HAUS8: variants seen among roughly 807,000 people sequenced by gnomAD.
HAUS8 encodes the protein HAUS augmin-like complex subunit 8.
Under a neutral mutation model 42.9 loss-of-function variants are expected in HAUS8, and 38 were observed. The ratio of observed to expected loss-of-function variants is 0.89; its 90% CI spans 0.68 to 1.16. The LOEUF (loss-of-function observed/expected upper bound fraction) is 1.16. Ranked by LOEUF, HAUS8 falls within the 50% of genes most tolerant of loss-of-function variation. The probability of loss-of-function intolerance (pLI) is 0.00; values close to 1 mark genes in which losing one functional copy is unlikely to be tolerated. For missense variants in HAUS8, 494 were observed against 511.6 expected (o/e 0.97, Z 0.33); for synonymous variants, 199 against 205.8 (o/e 0.97, Z 0.28).
intron 8 of HAUS8, 47 bp downstream of exon 8, chr19:17,058,502 A>T: frequency 2.0e-6 from 3 of 1,529,426 alleles, no homozygotes; most frequent in Non-Finnish European, 2.6e-6. Flanking sequence ...GATGGGACAG[A>T]TTCACAGGGA....
chr19:17,059,771 A>G, intron 5 of HAUS8, 120 bp from the exon 6 acceptor site: 1 of 725,994 alleles, frequency 1.4e-6, no homozygotes, highest in Non-Finnish European at 2.3e-6. Context: ...TGAGGAGTAT[A>G]TGGACTTATA....
intron 2 of HAUS8, among the ~76,000 whole-genome samples, chr19:17,071,837 A>G (rs1333833633): frequency 1.3e-5 from 2 of 152,054 alleles, no homozygotes; most frequent in East Asian, 3.9e-4. Flanking sequence ...TCTCTACTAA[A>G]AATACAAAAA....
intron 10 of HAUS8, among the ~76,000 whole-genome samples, chr19:17,050,780 C>T (rs12461129): frequency 0.31 from 46,650 of 151,726 alleles, 7,583 homozygotes; most frequent in South Asian, 0.46. Flanking sequence ...CCTGTAATCC[C>T]AGCTACTGGG....
intron 9 of HAUS8, chr19:17,055,137 A>G (rs1474540075): frequency 3.6e-4 from 12 of 33,338 alleles, no homozygotes; most frequent in South Asian, 1.6e-3. Context: ...AAAAAAAAAA[A>G]AAAAAAATAT....
At chr19:17,055,676 T>C (rs1199064638) in intron 9 of HAUS8, among the ~76,000 whole-genome samples, 185 bp downstream of exon 9, 2 of 152,084 alleles carry the variant, frequency 1.3e-5, no homozygotes, top group Non-Finnish European at 2.9e-5. Context: ...AAGGTTCAAA[T>C]CCCAGTGTGG....
At chr19:17,069,251 G>T (rs115924557) in intron 2 of HAUS8, among the ~76,000 whole-genome samples, 165 bp from the exon 3 acceptor site, 92 of 152,086 alleles carry the variant, frequency 6.0e-4, no homozygotes, top group African/African-American at 2.1e-3. Context: ...CACGTCCTTC[G>T]GCAGCCTCAA....
chr19:17,052,461 G>A (rs1345993055), intron 10 of HAUS8: 4 of 182,782 alleles, frequency 2.2e-5, no homozygotes, highest in Admixed American at 1.2e-4. Context: ...CACACCTGCA[G>A]TCCCAGCTAC....
At chr19:17,058,270 T>C (rs2057337744) in intron 8 of HAUS8, among the ~76,000 whole-genome samples, 1 of 152,250 alleles carries the variant, frequency 6.6e-6, no homozygotes. Flanking sequence ...CACGTCATCC[T>C]GTTGCTGCTC....
intron 9 of HAUS8, chr19:17,055,144 ATATATATATAT>A (rs1426748147): frequency 8.4e-4 from 2 of 2,380 alleles, no homozygotes; most frequent in Non-Finnish European, 1.4e-3. Flanking sequence ...AAAAAAAAAA[ATATATATATAT>A]ATATATATAT....
chr19:17,052,980 G>A lies in HAUS8; in HGVS notation c.788-14C>T, dbSNP rs1263541312. 2 of 1,614,046 alleles carry A rather than the reference G, an allele frequency of 1.2e-6. No homozygotes were observed. Among genetic ancestry groups the A allele is most frequent in the Non-Finnish European group, 1.7e-6 (2 of 1,179,926 alleles). ...GCTGCAGGGCGTCTGGAGGGGAAGAGGGATGGTGGGCGATGGATGGCAAGG... is the reference window on the plus strand; with the variant it reads ...GCTGCAGGGCGTCTGGAGGGGAAGAAGGATGGTGGGCGATGGATGGCAAGG... On this transcript the variant is annotated splice_polypyrimidine_tract_variant and intron_variant, in intron 9 of 10. Coordinates refer to ENST00000253669, the MANE Select transcript of HAUS8 (RefSeq NM_033417.2).
Position 17,058,573 on chromosome 19 carries a change from C to T in HAUS8, c.621G>A (p.Glu207=), listed in dbSNP as rs760377345. The change falls in exon 8 of 11, where the codon GAG becomes GAA. Residue 207 remains glutamate (E), a synonymous_variant. Coordinates refer to ENST00000253669, the MANE Select transcript of HAUS8 (RefSeq NM_033417.2). ...CCTGGGCATCCAGGACATCTGCCAG[C>T]TCCCGCTTCCTCTGAGAGAGGAGAA... is the stretch of plus-strand genomic sequence containing the variant. ...RRLLLSQRKR[E]LADVLDAQIE... is the part of the protein sequence containing the mutation. 6.2e-7 allele frequency: 1 copy of T among 1,604,348 alleles called. No homozygotes were observed. Among genetic ancestry groups the T allele is most frequent in the Non-Finnish European group, 8.5e-7 (1 of 1,176,890 alleles).
chr19:17,058,150 G>T (rs1055952257), intron 8 of HAUS8, among the ~76,000 whole-genome samples: 1 of 152,214 alleles, frequency 6.6e-6, no homozygotes, highest in South Asian at 2.1e-4. Flanking sequence ...CCCTTTCTGG[G>T]TTCCAGGGGT....
At chr19:17,063,367 C>T (rs1303053815) in intron 3 of HAUS8, among the ~76,000 whole-genome samples, 4 of 152,128 alleles carry the variant, frequency 2.6e-5, no homozygotes, top group African/African-American at 9.7e-5. Context: ...AACGACATGA[C>T]GACGCACAGA....
At chr19:17,058,732 A>C in intron 7 of HAUS8, 25 bp from the exon 8 acceptor site, 1 of 1,603,848 alleles carries the variant, frequency 6.2e-7, no homozygotes, top group Non-Finnish European at 8.5e-7. Flanking sequence ...AGAAAAGCTC[A>C]AGCAGGTGGG....
rs2057466883 is a variant in HAUS8 at position 17,075,447 on chromosome 19, C to A, written c.-25G>T. The A allele has an allele frequency of 1.2e-6, 2 of 1,613,048 alleles. No individual in the cohort carries two copies. Among genetic ancestry groups the A allele is most frequent in the South Asian group, 1.1e-5 (1 of 91,090 alleles). ...TTTTCCCGCCTTCCACCTCAAGGCC[C>A]GACCCGCCGGCTTTTCAAAGCCGGA... On this transcript the variant is annotated 5_prime_UTR_variant, in exon 1 of 11. Coordinates refer to ENST00000253669, the MANE Select transcript of HAUS8 (RefSeq NM_033417.2).
chr19:17,059,296 C>A (rs550310659), intron 6 of HAUS8, among the ~76,000 whole-genome samples: 1 of 152,368 alleles, frequency 6.6e-6, no homozygotes, highest in South Asian at 2.1e-4. Flanking sequence ...GTGCCTTTCC[C>A]AGCACAGCAT....
chr19:17,060,119 C>T, intron 4 of HAUS8, 27 bp from the exon 5 acceptor site: 2 of 1,493,462 alleles, frequency 1.3e-6, no homozygotes, highest in Admixed American at 3.4e-5. Context: ...CCCCGAAAGT[C>T]AGCACAGTCA....
chr19:17,067,847 G>C (rs1219900784), intron 3 of HAUS8, among the ~76,000 whole-genome samples: 6 of 152,158 alleles, frequency 3.9e-5, no homozygotes, highest in Admixed American at 3.3e-4. Context: ...AAAGCAGAGG[G>C]AAGAATCCAA....
intron 8 of HAUS8, 77 bp from the exon 9 acceptor site, chr19:17,056,079 G>A: frequency 1.4e-6 from 2 of 1,402,234 alleles, no homozygotes; most frequent in African/African-American, 1.5e-5. Context: ...AACGGCTTGT[G>A]CAGGGTTAAG....
Sources: gnomAD v4.1 joint callset for allele counts (sites outside exome capture counted in the v4.1 genomes callset) on GRCh38, gnomAD v4.1.1 for gene constraint, MANE v1.5 for transcripts, NCBI Gene and HGNC (gene_info 2026-07-23, HGNC 2026-07-21) for gene names.